CACNB2: variants seen among roughly 807,000 people sequenced by gnomAD.
CACNB2 encodes the protein calcium voltage-gated channel auxiliary subunit beta 2.
In CACNB2, 42 loss-of-function variants were observed where a neutral mutation model predicts 73.3. The observed-to-expected ratio is 0.57, with a 90% confidence interval of 0.45 to 0.74. CACNB2 has a LOEUF of 0.74. CACNB2 is among the 30% of genes least tolerant of loss of function. The probability of loss-of-function intolerance (pLI) is 0.00; values close to 1 mark genes in which losing one functional copy is unlikely to be tolerated. For synonymous variants in CACNB2, 348 were observed against 310.3 expected, an observed-to-expected ratio of 1.12 and a Z score of -1.28; for missense variants, 940 against 853.0, an observed-to-expected ratio of 1.10 and a Z score of -1.27.
At chr10:18,293,231 A>G (rs2039139341) in intron 2 of CACNB2, among the ~76,000 whole-genome samples, 1 of 152,198 alleles carries the variant, frequency 6.6e-6, no homozygotes, top group Non-Finnish European at 1.5e-5. Flanking sequence ...AATAATGGAT[A>G]CTTTTTGTCT....
rs762982462 is a variant in CACNB2 at position 18,464,418 on chromosome 10, TAA to T, written c.334-33916_334-33915del. On this transcript the variant is annotated intron_variant, in intron 3 of 13. Transcript: ENST00000324631. The stretch of plus-strand genomic sequence containing the variant: ...CAGAGTGAGACCCTGTCTCAAAAAT[TAA>T]AAAAAAAAAAAAAAAAAAAAGAATT... Among the ~76,000 whole-genome samples the T allele has an allele frequency of 3.0e-3, 253 of 85,298 alleles. 9 individuals carry two copies. Among genetic ancestry groups the T allele is most frequent in the Middle Eastern group, 6.9e-3 (1 of 144 alleles). The allele number at this position is 85,298 out of a possible 152,430, so 56.0% of individuals were successfully genotyped here.
intron 2 of CACNB2, among the ~76,000 whole-genome samples, chr10:18,184,604 C>T (rs976213381): frequency 7.0e-6 from 1 of 143,808 alleles, no homozygotes; most frequent in Non-Finnish European, 1.5e-5. Context: ...ATTTAGGATA[C>T]AGTCTTTTTA....
Position 18,211,412 on chromosome 10 carries a change from A to G in CACNB2, c.213+60437A>G, listed in dbSNP as rs1431581542. On this transcript the variant is annotated intron_variant, in intron 2 of 13. Transcript: ENST00000324631. ...ATTTATCATTCAACTTTTAAGATATACAAAAAGGCTCAAAGAATAATAAAG... is the reference window on the plus strand; with the variant it reads ...ATTTATCATTCAACTTTTAAGATATGCAAAAAGGCTCAAAGAATAATAAAG... Among the ~76,000 whole-genome samples, 5 of 152,310 alleles carry G rather than the reference A, an allele frequency of 3.3e-5. No homozygotes were observed. In the East Asian group the frequency reaches 9.6e-4, roughly 29 times the overall value.
At chr10:18,341,044 A>T in intron 2 of CACNB2, 2 of 1,499,604 alleles carry the variant, frequency 1.3e-6, no homozygotes, top group Non-Finnish European at 1.9e-6. Flanking sequence ...AATGCATAGA[A>T]CTGTTGCCGA....
chr10:18,397,841 G>A (rs2043794831), intron 2 of CACNB2, among the ~76,000 whole-genome samples: 2 of 152,066 alleles, frequency 1.3e-5, no homozygotes, highest in Admixed American at 6.6e-5. Context: ...GAGCTCTAAG[G>A]ATAAAAGGTG....
chr10:18,344,973 C>T (rs1164208737), intron 2 of CACNB2, among the ~76,000 whole-genome samples: 1 of 152,104 alleles, frequency 6.6e-6, no homozygotes, highest in East Asian at 1.9e-4. Context: ...TTCCTTCAAC[C>T]TTATTTTGAG....
intron 2 of CACNB2, among the ~76,000 whole-genome samples, chr10:18,181,601 T>C (rs1467368947): frequency 1.4e-5 from 2 of 146,114 alleles, no homozygotes; most frequent in African/African-American, 2.5e-5. Flanking sequence ...TATTTTATTT[T>C]ATTTTATTTT....
intron 2 of CACNB2, among the ~76,000 whole-genome samples, chr10:18,269,049 A>C (rs2037935908): frequency 6.6e-6 from 1 of 152,174 alleles, no homozygotes; most frequent in African/African-American, 2.4e-5. Context: ...GGTTAGGGTT[A>C]AGTCCTTTGC....
At chr10:18,330,789 C>T (rs2040768581) in intron 2 of CACNB2, among the ~76,000 whole-genome samples, 1 of 151,788 alleles carries the variant, frequency 6.6e-6, no homozygotes, top group African/African-American at 2.4e-5. Context: ...CTGCCTCAGC[C>T]TCCTAAGTAG....
chr10:18,371,332 A>C (rs1339371275), intron 2 of CACNB2, among the ~76,000 whole-genome samples: 1 of 152,042 alleles, frequency 6.6e-6, no homozygotes, highest in African/African-American at 2.4e-5. Flanking sequence ...CATTAGGTAT[A>C]TCTCCTAATG....
chr10:18,474,773 TC>T (rs77619276), intron 3 of CACNB2, among the ~76,000 whole-genome samples: 2 of 151,754 alleles, frequency 1.3e-5, no homozygotes, highest in Admixed American at 6.6e-5. Context: ...TGGGTTGTTT[TC>T]CCCCCCAACA....
intron 2 of CACNB2, among the ~76,000 whole-genome samples, chr10:18,293,538 A>C (rs2039153291): frequency 6.6e-6 from 1 of 152,250 alleles, no homozygotes; most frequent in South Asian, 2.1e-4. Context: ...AAAACTTGAA[A>C]CATTAAGCTC....
At chr10:18,405,100 C>G (rs1423992932) in intron 3 of CACNB2, among the ~76,000 whole-genome samples, 1 of 152,206 alleles carries the variant, frequency 6.6e-6, no homozygotes, top group Non-Finnish European at 1.5e-5. Flanking sequence ...CGTTGATCTT[C>G]TCTTTGAAAA....
At chr10:18,295,887 A>G (rs1218461836) in intron 2 of CACNB2, among the ~76,000 whole-genome samples, 1 of 152,148 alleles carries the variant, frequency 6.6e-6, no homozygotes, top group Non-Finnish European at 1.5e-5. Context: ...GAAGGGGAAA[A>G]GGAAAGGGTT....
intron 2 of CACNB2, among the ~76,000 whole-genome samples, chr10:18,244,220 A>C (rs1564372039): frequency 1.3e-5 from 2 of 151,982 alleles, no homozygotes; most frequent in East Asian, 1.9e-4. Flanking sequence ...AGTTTTAAAA[A>C]CCCCATCAAA....
At chr10:18,511,051 G>A (rs1269109198) in intron 6 of CACNB2, among the ~76,000 whole-genome samples, 2 of 152,206 alleles carry the variant, frequency 1.3e-5, no homozygotes, top group Non-Finnish European at 2.9e-5. Flanking sequence ...CAAAGGATTA[G>A]CTATAGGATG....
chr10:18,507,570 G>A (rs1006369195), intron 6 of CACNB2, among the ~76,000 whole-genome samples: 1 of 152,132 alleles, frequency 6.6e-6, no homozygotes. Context: ...TGCTAAATCT[G>A]GGAACTCTCC....
chr10:18,498,254 T>G, intron 3 of CACNB2, 101 bp from the exon 4 acceptor site: 1 of 1,411,106 alleles, frequency 7.1e-7, no homozygotes, highest in South Asian at 1.2e-5. Flanking sequence ...AAACCAACAA[T>G]GATTACAGTA....
rs752927793 is a variant in CACNB2, at chr10:18,527,639, A to T, written c.996A>T (p.Val332=). Residue 332 remains valine (V), a synonymous_variant, in exon 10 of 14, where the codon GTA becomes GTT. Transcript: ENST00000324631. ...TADISLAKRS[V]LNNPSKHAII... ...ACATCTCGCTTGCCAAACGCTCGGT[A>T]TTAAACAATCCCAGTAAGCACGCAA... is the stretch of plus-strand genomic sequence containing the variant. The T allele has an allele frequency of 6.2e-7, 1 of 1,614,078 alleles. No individual in the cohort carries two copies.
Sources: gnomAD v4.1 joint callset for allele counts (sites outside exome capture counted in the v4.1 genomes callset) on GRCh38, gnomAD v4.1.1 for gene constraint, MANE v1.5 for transcripts, NCBI Gene and HGNC (gene_info 2026-07-23, HGNC 2026-07-21) for gene names.